Variants in USP12 observed in about 807,000 individuals in gnomAD.
The protein encoded by USP12 is ubiquitin carboxyl-terminal hydrolase 12.
USP12 carries 19 observed loss-of-function variants against 45.5 expected under a neutral mutation model. That is an observed-to-expected ratio of 0.42 (90% CI 0.29 to 0.61). USP12 has a LOEUF of 0.61. Ranked by LOEUF, USP12 falls within the 20% of genes least tolerant of loss-of-function variation. The pLI is 0.22. For missense variants in USP12, 242 were observed against 447.7 expected (o/e 0.54, Z 4.15); for synonymous variants, 149 against 148.8 (o/e 1.00, Z -0.01).
intron 3 of USP12, among the ~76,000 whole-genome samples, chr13:27,100,360 G>C (rs1337946557): frequency 2.0e-5 from 3 of 152,036 alleles, no homozygotes; most frequent in Non-Finnish European, 4.4e-5. Flanking sequence ...GCTCATTCTA[G>C]GTCCTCCATT....
intron 8 of USP12, 49 bp from the exon 9 acceptor site, chr13:27,069,433 C>A: frequency 1.5e-6 from 2 of 1,347,672 alleles, no homozygotes; most frequent in South Asian, 1.2e-5. Context: ...TCTGTACAGC[C>A]AGAATGGCTT....
intron 4 of USP12, among the ~76,000 whole-genome samples, chr13:27,091,080 G>A (rs564374353): frequency 3.3e-5 from 5 of 152,130 alleles, no homozygotes; most frequent in Non-Finnish European, 7.3e-5. Flanking sequence ...TACGATGGAA[G>A]ATACAGCAAC....
At position 27,075,232 on chromosome 13, in the gene USP12, G is replaced by C; in HGVS notation, c.891C>G (p.Asp297Glu). 1 of 1,613,960 alleles carries C rather than the reference G, an allele frequency of 6.2e-7. No individual in the cohort carries two copies. ...CAACAGCAACAAGGTCGTACATTCT[G>C]TCTGGATTGGTGGCATCACCTGAAG... The part of the protein sequence containing the change: ...FNTSGDATNP[D>E]RMYDLVAVVV... Residue 297 changes from aspartate to glutamate, a missense_variant, in exon 7 of 9, where the codon GAC becomes GAG. Asp to Glu is a conservative substitution (Grantham distance 45, BLOSUM62 2). Around this residue, in one of 5 missense-constraint regions of USP12, gnomAD observed 94 missense variants for 168.3 expected, o/e 0.56. Coordinates refer to ENST00000282344, the MANE Select transcript of USP12 (RefSeq NM_182488.4).
At chr13:27,160,476 T>TA (rs1300629563) in intron 1 of USP12, among the ~76,000 whole-genome samples, 1 of 150,930 alleles carries the variant, frequency 6.6e-6, no homozygotes, top group Non-Finnish European at 1.5e-5. Flanking sequence ...CAGTAAACTT[T>TA]AAAAAAGTGA....
chr13:27,069,889 G>A (rs1873162986), intron 8 of USP12, among the ~76,000 whole-genome samples: 1 of 152,184 alleles, frequency 6.6e-6, no homozygotes, highest in African/African-American at 2.4e-5. Context: ...GGAGGTGGTG[G>A]TGAGCCGAGA....
chr13:27,136,685 T>G (rs982671885), intron 1 of USP12, among the ~76,000 whole-genome samples: 1 of 152,182 alleles, frequency 6.6e-6, no homozygotes, highest in Non-Finnish European at 1.5e-5. Flanking sequence ...TCCAAATATG[T>G]ACTGACTACC....
intron 3 of USP12, among the ~76,000 whole-genome samples, chr13:27,097,098 C>A (rs1281920500): frequency 6.7e-6 from 1 of 149,168 alleles, no homozygotes; most frequent in Non-Finnish European, 1.5e-5. Flanking sequence ...AAATGGCAAT[C>A]AATTTATAAG....
intron 1 of USP12, among the ~76,000 whole-genome samples, chr13:27,128,981 T>C (rs996320594): frequency 2.6e-5 from 4 of 152,218 alleles, no homozygotes; most frequent in African/African-American, 4.8e-5. Flanking sequence ...CTTAGTTTAA[T>C]AGTAACGGAG....
chr13:27,139,698 C>T (rs1474714046), intron 1 of USP12, among the ~76,000 whole-genome samples: 1 of 152,158 alleles, frequency 6.6e-6, no homozygotes, highest in African/African-American at 2.4e-5. Flanking sequence ...CATGCAAGTC[C>T]CACCCTAAAT....
chr13:27,116,854 G>C (rs1345812714), intron 1 of USP12, among the ~76,000 whole-genome samples: 1 of 152,094 alleles, frequency 6.6e-6, no homozygotes, highest in Admixed American at 6.5e-5. Context: ...TGTGGCCTTC[G>C]AGCAACAGGC....
At position 27,102,425 on chromosome 13, in the gene USP12, G is replaced by A. The variant is rs115498585; in HGVS notation, c.343+3306C>T. Among the ~76,000 whole-genome samples the A allele has an allele frequency of 5.3e-3, 803 of 152,232 alleles. 8 individuals carry two copies. The highest frequency in any genetic ancestry group is 0.019 in the African/African-American group (770 of 41,530). On this transcript the variant is annotated intron_variant, in intron 3 of 8. Transcript: ENST00000282344. ...AGGGTCTTCTCAAACAAATCAGAACGTATCACCCACCTGCTCAGAACCCTC... is the reference window on the plus strand; with the variant it reads ...AGGGTCTTCTCAAACAAATCAGAACATATCACCCACCTGCTCAGAACCCTC...
At chr13:27,128,898 A>AAT (rs1316274474) in intron 1 of USP12, among the ~76,000 whole-genome samples, 1 of 152,228 alleles carries the variant, frequency 6.6e-6, no homozygotes. Flanking sequence ...CCTGAGAAGA[A>AAT]AATCACTATA....
At chr13:27,084,879 G>T (rs574502256) in intron 6 of USP12, among the ~76,000 whole-genome samples, 42 of 152,220 alleles carry the variant, frequency 2.8e-4, no homozygotes, top group Non-Finnish European at 5.3e-4. Context: ...GGTCTTCTGT[G>T]ATTCCATGTG....
intron 2 of USP12, among the ~76,000 whole-genome samples, chr13:27,114,907 C>T (rs766286579): frequency 1.3e-5 from 2 of 152,044 alleles, no homozygotes; most frequent in Non-Finnish European, 2.9e-5. Flanking sequence ...ATTGCCTGAG[C>T]CCAGGAGGTG....
At chr13:27,154,644 T>TA (rs573552575) in intron 1 of USP12, among the ~76,000 whole-genome samples, 81 of 151,226 alleles carry the variant, frequency 5.4e-4, no homozygotes, top group Non-Finnish European at 7.8e-4. Flanking sequence ...TTTTTAAAGT[T>TA]AAAAAAAAAC....
chr13:27,092,622 T>C lies in USP12; in HGVS notation c.574-2464A>G, dbSNP rs145502374. 1.5e-3 allele frequency among the ~76,000 whole-genome samples: 236 copies of C among 152,260 alleles called. 2 individuals carry two copies. The East Asian group carries it at 0.028, about 18-fold the overall frequency. ...CAAAGGCAATTCAACAGAGAAAGAATTGTCTTTTAAACAAATGATGCTGGA... is the reference window on the plus strand; with the variant it reads ...CAAAGGCAATTCAACAGAGAAAGAACTGTCTTTTAAACAAATGATGCTGGA... On this transcript the variant is annotated intron_variant, in intron 4 of 8. Transcript: ENST00000282344.
intron 1 of USP12, among the ~76,000 whole-genome samples, chr13:27,146,578 C>T (rs1055531716): frequency 3.9e-5 from 6 of 152,152 alleles, no homozygotes; most frequent in African/African-American, 1.4e-4. Flanking sequence ...TCCACCACTG[C>T]AGAGCTCCGA....
intron 1 of USP12, among the ~76,000 whole-genome samples, chr13:27,128,076 T>C (rs542498399): frequency 6.6e-6 from 1 of 152,342 alleles, no homozygotes; most frequent in East Asian, 1.9e-4. Context: ...AAATGTGTTA[T>C]AGAGAATATT....
intron 8 of USP12, among the ~76,000 whole-genome samples, chr13:27,070,733 A>C (rs1399088646): frequency 6.6e-6 from 1 of 151,916 alleles, no homozygotes; most frequent in East Asian, 1.9e-4. Flanking sequence ...TTGTATTTTT[A>C]GGAGAGACAG....
Sources: gnomAD v4.1 joint callset for allele counts (sites outside exome capture counted in the v4.1 genomes callset) on GRCh38, gnomAD v4.1.1 for gene constraint, gnomAD v4.1.1 regional missense constraint, MANE v1.5 for transcripts, NCBI Gene and HGNC (gene_info 2026-07-23, HGNC 2026-07-21) for gene names.